Variants in DNAJB6 observed in about 807,000 individuals in gnomAD.
The protein encoded by DNAJB6 is dnaJ homolog subfamily B member 6.
A neutral mutation model predicts 42.7 loss-of-function variants in DNAJB6; 16 were observed. The observed-to-expected ratio is 0.37, with a 90% CI of 0.25 to 0.57. The LOEUF is 0.57. DNAJB6 is among the 20% of genes least tolerant of loss of function. The pLI, the probability that DNAJB6 is intolerant of heterozygous loss-of-function variation, is 0.74. For synonymous variants in DNAJB6, 170 were observed against 163.5 expected (o/e 1.04, Z -0.30); for missense variants, 347 against 416.8 (o/e 0.83, Z 1.46).
At chr7:157,364,448 G>A (rs1040385565) in intron 3 of DNAJB6, among the ~76,000 whole-genome samples, 1 of 152,204 alleles carries the variant, frequency 6.6e-6, no homozygotes, top group Non-Finnish European at 1.5e-5. Context: ...TCATTGGAAA[G>A]TTTATTTTTT....
chr7:157,401,296 G>A (rs144758196), intron 8 of DNAJB6, among the ~76,000 whole-genome samples: 72 of 152,132 alleles, frequency 4.7e-4, no homozygotes, highest in African/African-American at 1.6e-3. Flanking sequence ...TTGGTTCACC[G>A]CTACCTCCAC....
chr7:157,362,774 A>T (rs118078028), intron 2 of DNAJB6, among the ~76,000 whole-genome samples: 3,238 of 152,258 alleles, frequency 0.021, 45 homozygotes, highest in East Asian at 0.055. Flanking sequence ...GTATTATGCT[A>T]TCAGGATTTT....
At chr7:157,404,466 CTT>C (rs55793060) in intron 8 of DNAJB6, among the ~76,000 whole-genome samples, 15,621 of 103,220 alleles carry the variant, frequency 0.15, 2,625 homozygotes, top group African/African-American at 0.45. Context: ...TAATTTTTGT[CTT>C]TTTTTTTTTT....
rs534167615 is a variant in DNAJB6 at position 157,368,778 on chromosome 7, A to G, written c.346+1295A>G. 25 of 163,540 alleles carry G rather than the reference A, an allele frequency of 1.5e-4. No homozygotes were observed. The East Asian group carries it at 2.2e-3, about 15-fold the overall frequency. 10.1% of individuals were successfully genotyped at this position (163,540 alleles called of 1,614,324 possible). On this transcript the variant is annotated intron_variant, in intron 5 of 9. Coordinates refer to ENST00000262177, the MANE Select transcript of DNAJB6 (RefSeq NM_058246.4). ...ACTTATTGAAAGGGAAACACATTGTATGTTTACCTCCTTCATTGCCTGGAG... is the reference window on the plus strand; with the variant it reads ...ACTTATTGAAAGGGAAACACATTGTGTGTTTACCTCCTTCATTGCCTGGAG...
intron 5 of DNAJB6, among the ~76,000 whole-genome samples, chr7:157,373,919 C>T (rs1200546438): frequency 6.6e-6 from 1 of 152,090 alleles, no homozygotes; most frequent in Non-Finnish European, 1.5e-5. Context: ...TGGTGGTGTA[C>T]CCCTGTAATG....
At chr7:157,369,514 T>G (rs191772049) in intron 5 of DNAJB6, 194 of 421,164 alleles carry the variant, frequency 4.6e-4, no homozygotes, top group African/African-American at 3.7e-3. Context: ...AGACCGGGCG[T>G]CTTCAACAGG....
chr7:157,340,998 G>GAGCGCGCGCT (rs67210462), intron 1 of DNAJB6, among the ~76,000 whole-genome samples: 9 of 134,960 alleles, frequency 6.7e-5, no homozygotes, highest in African/African-American at 2.6e-4. Flanking sequence ...GTGTGTGTGT[G>GAGCGCGCGCT]CGCGCGCGCA....
At chr7:157,368,235 AT>A (rs754744235) in intron 5 of DNAJB6, among the ~76,000 whole-genome samples, 19 of 152,350 alleles carry the variant, frequency 1.2e-4, no homozygotes, top group Admixed American at 4.6e-4. Context: ...TTTGTTATGT[AT>A]GGCCTTAATT....
intron 8 of DNAJB6, 55 bp from the exon 9 acceptor site, chr7:157,409,740 G>A: frequency 2.7e-6 from 4 of 1,470,324 alleles, no homozygotes; most frequent in Non-Finnish European, 3.6e-6. Flanking sequence ...TGCTCTGGAT[G>A]GGGGCCGGCC....
chr7:157,371,546 G>A (rs544191164), intron 5 of DNAJB6, among the ~76,000 whole-genome samples: 1 of 152,394 alleles, frequency 6.6e-6, no homozygotes, highest in Admixed American at 6.5e-5. Context: ...CCCAGGAGAG[G>A]TCGCGGAGGC....
chr7:157,410,164 C>CCGCTCG, intron 9 of DNAJB6, 163 bp downstream of exon 9: 1 of 1,396,978 alleles, frequency 7.2e-7, no homozygotes, highest in South Asian at 1.6e-5. Context: ...TGCTCCTCTC[C>CCGCTCG]CGCTCGCGGC....
chr7:157,415,523 C>A (rs761146431), intron 9 of DNAJB6: 12 of 161,434 alleles, frequency 7.4e-5, no homozygotes, highest in Non-Finnish European at 1.5e-4. Context: ...GGACACCCTC[C>A]CCACAGGTGG....
intron 1 of DNAJB6, among the ~76,000 whole-genome samples, chr7:157,345,302 T>C (rs957087455): frequency 2.0e-5 from 3 of 152,084 alleles, no homozygotes; most frequent in Non-Finnish European, 2.9e-5. Context: ...CTTAAAATTT[T>C]TATTTTTTAT....
At chr7:157,357,577 C>T (rs994950626) in intron 1 of DNAJB6, among the ~76,000 whole-genome samples, 1 of 151,948 alleles carries the variant, frequency 6.6e-6, no homozygotes, top group African/African-American at 2.4e-5. Flanking sequence ...TCCTAAAGCG[C>T]TGGGATTACA....
chr7:157,394,776 C>G (rs535799405), intron 8 of DNAJB6, among the ~76,000 whole-genome samples: 1 of 152,170 alleles, frequency 6.6e-6, no homozygotes, highest in East Asian at 1.9e-4. Flanking sequence ...CAGATTTTGT[C>G]CCCGCCTCTC....
At chr7:157,409,655 G>GAGAT in intron 8 of DNAJB6, 140 bp from the exon 9 acceptor site, 1 of 961,356 alleles carries the variant, frequency 1.0e-6, no homozygotes, top group South Asian at 1.8e-5. Context: ...CTGAAGAAAG[G>GAGAT]AGATAACCTC....
intron 8 of DNAJB6, among the ~76,000 whole-genome samples, chr7:157,402,759 A>C (rs952356589): frequency 8.5e-5 from 13 of 152,238 alleles, no homozygotes; most frequent in Non-Finnish European, 1.2e-4. Context: ...TTTCTTATTT[A>C]AAGTAAGCCA....
intron 2 of DNAJB6, among the ~76,000 whole-genome samples, chr7:157,362,827 T>G (rs1002384539): frequency 1.3e-5 from 2 of 152,024 alleles, no homozygotes; most frequent in Non-Finnish European, 2.9e-5. Context: ...CAATTTTAAT[T>G]TTGAGACAGT....
chr7:157,404,272 C>T lies in DNAJB6; in HGVS notation c.692-5523C>T, dbSNP rs150034981. Reference sequence around the variant, plus strand: ...GACAGGTGTGAGCTGCCACTTTCAGCCCTACTGTGCAGTTTTTTTTTTCTT... The same window carrying T: ...GACAGGTGTGAGCTGCCACTTTCAGTCCTACTGTGCAGTTTTTTTTTTCTT... On this transcript the variant is annotated intron_variant, in intron 8 of 9. Transcript: ENST00000262177. Among the ~76,000 whole-genome samples, 316 of 151,110 alleles carry T rather than the reference C, an allele frequency of 2.1e-3. 1 individual carries two copies. The highest frequency in any genetic ancestry group is 7.1e-3 in the African/African-American group (294 of 41,138).
Sources: gnomAD v4.1 joint callset for allele counts (sites outside exome capture counted in the v4.1 genomes callset) on GRCh38, gnomAD v4.1.1 for gene constraint, MANE v1.5 for transcripts, NCBI Gene and HGNC (gene_info 2026-07-23, HGNC 2026-07-21) for gene names.